The following TYRP1 variants were observed in gnomAD, a reference collection of about 807,000 sequenced individuals.
TYRP1 encodes tyrosinase related protein 1.
TYRP1 carries 49 observed loss-of-function variants against 42.8 expected under a neutral mutation model. The ratio of observed to expected loss-of-function variants is 1.14; its 90% CI spans 0.91 to 1.45. The LOEUF (loss-of-function observed/expected upper bound fraction) is 1.45, where lower values mean the gene tolerates loss of function less well. Among genes scored for constraint, TYRP1 ranks in the 40% most tolerant of loss-of-function variants. The pLI, the probability that TYRP1 is intolerant of heterozygous loss-of-function variation, is 0.00. For synonymous variants in TYRP1, 279 were observed against 235.4 expected, an observed-to-expected ratio of 1.19 and a Z score of -1.69; for missense variants, 848 against 662.0, an observed-to-expected ratio of 1.28 and a Z score of -3.08.
intron 2 of TYRP1, among the ~76,000 whole-genome samples, chr9:12,695,311 G>T (rs1481758452): frequency 2.0e-5 from 3 of 152,142 alleles, no homozygotes; most frequent in Admixed American, 6.5e-5. Context: ...CAGTAAATTG[G>T]AGAGAGAAAA....
Position 12,709,295 on chromosome 9 carries a change from C to A in TYRP1, c.*113C>A. On this transcript the variant is annotated 3_prime_UTR_variant, in exon 8 of 8. Coordinates refer to ENST00000388918, the MANE Select transcript of TYRP1 (RefSeq NM_000550.3). ...TTTATTACCTTCTTTCTAATACAAGCATATGTTAGCATTAAAGTTCTAGGC... is the reference window on the plus strand; with the variant it reads ...TTTATTACCTTCTTTCTAATACAAGAATATGTTAGCATTAAAGTTCTAGGC... 1.8e-6 allele frequency: 2 copies of A among 1,097,772 alleles called. No homozygotes were observed. Among genetic ancestry groups the A allele is most frequent in the Non-Finnish European group, 2.7e-6 (2 of 734,724 alleles). 68.0% of individuals were successfully genotyped at this position (1,097,772 alleles called of 1,614,324 possible). A position where few individuals can be genotyped will look rare whatever the true frequency, so the allele number is the denominator to read the frequency against.
chr9:12,700,783 G>A (rs1038913730), intron 4 of TYRP1, among the ~76,000 whole-genome samples: 3 of 151,992 alleles, frequency 2.0e-5, no homozygotes, highest in Non-Finnish European at 2.9e-5. Context: ...ATAGCTTCCT[G>A]AGCAGTAATC....
intron 3 of TYRP1, among the ~76,000 whole-genome samples, chr9:12,697,922 C>T (rs1818102991): frequency 6.6e-6 from 1 of 152,100 alleles, no homozygotes; most frequent in South Asian, 2.1e-4. Context: ...TGAAAGAGTC[C>T]ATTGGCCTGT....
intron 4 of TYRP1, among the ~76,000 whole-genome samples, chr9:12,698,932 AGTT>A (rs1359006071): frequency 6.6e-6 from 1 of 152,090 alleles, no homozygotes; most frequent in Non-Finnish European, 1.5e-5. Flanking sequence ...GGAAATGTCT[AGTT>A]GTATAAACTA....
rs763597541 is a variant in TYRP1 at position 12,695,757 on chromosome 9, G to T, written c.628G>T (p.Glu210Ter). The T allele has an allele frequency of 6.2e-7, 1 of 1,614,162 alleles. No homozygotes were observed. Among genetic ancestry groups the T allele is most frequent in the Non-Finnish European group, 8.5e-7 (1 of 1,180,022 alleles). ...FLGVGQESFG[E>*]VDFSHEGPAF... Reference sequence around the variant, plus strand: ...TGGGGTAGGACAGGAAAGCTTTGGTGAAGTGGATTTCTCTCATGAGGGACC... The same window carrying T: ...TGGGGTAGGACAGGAAAGCTTTGGTTAAGTGGATTTCTCTCATGAGGGACC... Residue 210 changes from glutamate to a stop codon, truncating the protein, a stop_gained, in exon 3 of 8, where the codon GAA becomes TAA. Coordinates refer to ENST00000388918, the MANE Select transcript of TYRP1 (RefSeq NM_000550.3). LOFTEE classifies it high-confidence loss of function.
At chr9:12,705,516 A>G (rs892032368) in intron 6 of TYRP1, among the ~76,000 whole-genome samples, 11 of 152,082 alleles carry the variant, frequency 7.2e-5, no homozygotes, top group Non-Finnish European at 1.6e-4. Flanking sequence ...AATTAGGACC[A>G]TTAATTGATG....
In TYRP1 at chr9:12,703,131, GAT is replaced by G. The variant is rs374170284; in HGVS notation, c.1081+706_1081+707del. Among the ~76,000 whole-genome samples, 27 of 150,916 alleles carry G rather than the reference GAT, an allele frequency of 1.8e-4. No homozygotes were observed. In the East Asian group the frequency reaches 4.3e-3, roughly 24 times the overall value. On this transcript the variant is annotated intron_variant, in intron 5 of 7. Coordinates refer to ENST00000388918, the MANE Select transcript of TYRP1 (RefSeq NM_000550.3). ...ATTTTGATACCTCCAAATGATGCTT[GAT>G]ATATATATATATTTAAAGTCTTCAA...
chr9:12,707,225 A>G (rs1818272726), intron 6 of TYRP1, among the ~76,000 whole-genome samples: 1 of 152,006 alleles, frequency 6.6e-6, no homozygotes, highest in Admixed American at 6.6e-5. Flanking sequence ...AGTGATCACT[A>G]CTTTACTTTT....
Position 12,709,146 on chromosome 9 carries a change from T to C in TYRP1, c.1578T>C (p.Tyr526=), listed in dbSNP as rs534623271. ...TDQYQCYAEE[Y]EKLQNPNQSV... is the part of the protein sequence containing the mutation. ...AGTATCAATGCTATGCTGAAGAATA[T>C]GAAAAACTCCAGAATCCTAATCAGT... Residue 526 remains tyrosine (Y), a synonymous_variant, in exon 8 of 8, where the codon TAT becomes TAC. Transcript: ENST00000388918. 6.8e-6 allele frequency: 11 copies of C among 1,612,594 alleles called. No homozygotes were observed. In the African/African-American group the frequency reaches 8.0e-5, roughly 12 times the overall value.
intron 3 of TYRP1, among the ~76,000 whole-genome samples, chr9:12,697,825 C>A (rs1372672730): frequency 6.6e-6 from 1 of 152,104 alleles, no homozygotes; most frequent in Non-Finnish European, 1.5e-5. Flanking sequence ...GCATTTTTAT[C>A]AGTATAAATT....
At chr9:12,695,909 A>C (rs1818073305) in intron 3 of TYRP1, 72 bp downstream of exon 3, 1 of 1,509,004 alleles carries the variant, frequency 6.6e-7, no homozygotes, top group Non-Finnish European at 9.1e-7. Flanking sequence ...ATTTTAATTC[A>C]CTAGTTTTCA....
At chr9:12,705,546 G>T (rs1442875613) in intron 6 of TYRP1, among the ~76,000 whole-genome samples, 1 of 152,052 alleles carries the variant, frequency 6.6e-6, no homozygotes, top group Admixed American at 6.6e-5. Context: ...AAAATAGTTT[G>T]TTCCATCAAA....
rs141978563 is a variant in TYRP1 at position 12,703,883 on chromosome 9, A to ATATATG, written c.1082-642_1082-641insATATGT. Among the ~76,000 whole-genome samples, 5 of 143,430 alleles carry ATATATG rather than the reference A, an allele frequency of 3.5e-5. No individual in the cohort carries two copies. The Admixed American group carries it at 3.5e-4, about 10-fold the overall frequency. 94.1% of individuals were successfully genotyped at this position (143,430 alleles called of 152,430 possible). Reference sequence around the variant, plus strand: ...CCTTATATATGGAATATATATATATATGTGTGTGTGTGTGTGTGTGTGTGT... The same window carrying ATATATG: ...CCTTATATATGGAATATATATATATATATATGTGTGTGTGTGTGTGTGTGTGTGTGT... On this transcript the variant is annotated intron_variant, in intron 5 of 7. Transcript: ENST00000388918.
chr9:12,703,405 T>G (rs1251056916), intron 5 of TYRP1, among the ~76,000 whole-genome samples: 2 of 151,644 alleles, frequency 1.3e-5, no homozygotes, highest in Non-Finnish European at 1.5e-5. Flanking sequence ...ATGCACTGAT[T>G]TGAATATGAT....
rs1818338238 is a variant in TYRP1 at position 12,710,242 on chromosome 9, A to AAAT, written c.*1061_*1063dup. 1 of 127,808 alleles carries AAAT rather than the reference A, an allele frequency of 7.8e-6. No individual in the cohort carries two copies. Among genetic ancestry groups the AAAT allele is most frequent in the African/African-American group, 2.5e-5 (1 of 39,872 alleles). 7.9% of individuals were successfully genotyped at this position (127,808 alleles called of 1,614,324 possible). On this transcript the variant is annotated 3_prime_UTR_variant, in exon 8 of 8. Transcript: ENST00000388918. ...TGGTCATAAGTGAATATTTTAATTAAAATTGGTAAAAATAAATAATAACAG... is the reference window on the plus strand; with the variant it reads ...TGGTCATAAGTGAATATTTTAATTAAAATAATTGGTAAAAATAAATAATAACAG...
At chr9:12,694,481 A>G (rs1818045375) in intron 2 of TYRP1, 100 bp downstream of exon 2, 4 of 1,416,326 alleles carry the variant, frequency 2.8e-6, no homozygotes, top group Admixed American at 3.9e-5. Flanking sequence ...TGGAAATCAT[A>G]TAGCTCAACC....
At chr9:12,705,853 G>C (rs1459208596) in intron 6 of TYRP1, among the ~76,000 whole-genome samples, 5 of 151,832 alleles carry the variant, frequency 3.3e-5, no homozygotes, top group Admixed American at 6.6e-5. Context: ...TTTTCAATCA[G>C]TTATGAATTC....
At chr9:12,702,870 G>A (rs1266541976) in intron 5 of TYRP1, among the ~76,000 whole-genome samples, 5 of 151,842 alleles carry the variant, frequency 3.3e-5, no homozygotes, top group African/African-American at 4.8e-5. Context: ...CCTTGCTTGC[G>A]CATATGTTTT....
intron 6 of TYRP1, among the ~76,000 whole-genome samples, chr9:12,707,231 C>CT (rs35364433): frequency 3.3e-5 from 5 of 151,918 alleles, no homozygotes; most frequent in African/African-American, 1.2e-4. Flanking sequence ...CACTACTTTA[C>CT]TTTTTGAGCT....
Sources: allele counts gnomAD v4.1 joint callset (sites outside exome capture counted in the v4.1 genomes callset), GRCh38; gene constraint gnomAD v4.1.1; transcripts MANE v1.5; gene names NCBI Gene and HGNC (gene_info 2026-07-23, HGNC 2026-07-21).